CLSTN2: variants seen among roughly 807,000 people sequenced by gnomAD.
The protein encoded by CLSTN2 is calsyntenin-2.
CLSTN2 carries 48 observed loss-of-function variants against 101.2 expected under a neutral mutation model. The observed-to-expected ratio is 0.47, with a 90% CI of 0.38 to 0.60. The LOEUF (loss-of-function observed/expected upper bound fraction) is 0.60. Among genes scored for constraint, CLSTN2 ranks in the 20% least tolerant of loss-of-function variants. CLSTN2 has a pLI of 0.00. For synonymous variants in CLSTN2, 481 were observed against 463.6 expected (o/e 1.04, Z -0.48); for missense variants, 1,160 against 1,238.2 (o/e 0.94, Z 0.95).
At chr3:140,432,955 CTG>C (rs367556135) in intron 5 of CLSTN2, among the ~76,000 whole-genome samples, 2 of 152,318 alleles carry the variant, frequency 1.3e-5, no homozygotes, top group African/African-American at 4.8e-5. Context: ...ACCCTGAAAA[CTG>C]TTATTTTCCC....
intron 2 of CLSTN2, among the ~76,000 whole-genome samples, chr3:140,380,337 A>G (rs6797439): frequency 0.96 from 145,745 of 152,254 alleles, 70,074 homozygotes; most frequent in East Asian, 1. Flanking sequence ...CCTGAGCAAA[A>G]CAAATGGTGC....
At chr3:140,486,139 A>C (rs1391411641) in intron 8 of CLSTN2, among the ~76,000 whole-genome samples, 1 of 152,164 alleles carries the variant, frequency 6.6e-6, no homozygotes, top group Admixed American at 6.5e-5. Context: ...GACACATTAC[A>C]TATGGGAAAA....
In CLSTN2 at chr3:140,532,461, A is replaced by G. The variant is rs1322023880; in HGVS notation, c.1482A>G (p.Gln494=). Residue 494 remains glutamine (Q), a synonymous_variant, in exon 9 of 17, where the codon CAA becomes CAG. Transcript: ENST00000458420. ...WPIHPSHIAM[Q]LTVGACWQGG... is the part of the protein sequence containing the mutation. Reference sequence around the variant, plus strand: ...TTCATCCATCTCACATAGCCATGCAACTCACAGTCGGCGCTTGTTGGCAAG... The same window carrying G: ...TTCATCCATCTCACATAGCCATGCAGCTCACAGTCGGCGCTTGTTGGCAAG... The G allele has an allele frequency of 6.2e-7, 1 of 1,613,428 alleles. No homozygotes were observed. The highest frequency in any genetic ancestry group is 1.3e-5 in the African/African-American group (1 of 74,886).
chr3:140,350,274 A>AGAT (rs2087591757), intron 2 of CLSTN2, among the ~76,000 whole-genome samples: 1 of 152,252 alleles, frequency 6.6e-6, no homozygotes, highest in African/African-American at 2.4e-5. Flanking sequence ...TAATCTCAGA[A>AGAT]AATAATAATA....
At chr3:140,104,425 C>T (rs1201073384) in intron 1 of CLSTN2, among the ~76,000 whole-genome samples, 2 of 152,196 alleles carry the variant, frequency 1.3e-5, no homozygotes, top group Non-Finnish European at 2.9e-5. Context: ...TTGGTGCCAA[C>T]TAAGCAATGC....
intron 1 of CLSTN2, among the ~76,000 whole-genome samples, chr3:140,154,798 C>G (rs1026386276): frequency 1.3e-5 from 2 of 151,970 alleles, no homozygotes; most frequent in Non-Finnish European, 2.9e-5. Context: ...GCACCCGCCA[C>G]CACGCCCAGC....
intron 2 of CLSTN2, among the ~76,000 whole-genome samples, chr3:140,217,856 T>C (rs2010939311): frequency 6.6e-6 from 1 of 152,226 alleles, no homozygotes; most frequent in Non-Finnish European, 1.5e-5. Flanking sequence ...GTTTAAATTT[T>C]AAAGGTTCTC....
At chr3:140,192,365 C>T (rs9830790) in intron 2 of CLSTN2, among the ~76,000 whole-genome samples, 13,440 of 151,836 alleles carry the variant, frequency 0.089, 802 homozygotes, top group Non-Finnish European at 0.13. Flanking sequence ...AGCTGATTTT[C>T]GGACTAGTTC....
intron 2 of CLSTN2, among the ~76,000 whole-genome samples, chr3:140,370,361 G>A (rs978441674): frequency 3.3e-5 from 5 of 152,122 alleles, no homozygotes; most frequent in Non-Finnish European, 7.4e-5. Context: ...GGAAAGCTTG[G>A]GGTCTCTGCC....
At chr3:139,985,104 C>T (rs1164780665) in intron 1 of CLSTN2, among the ~76,000 whole-genome samples, 1 of 152,196 alleles carries the variant, frequency 6.6e-6, no homozygotes, top group Non-Finnish European at 1.5e-5. Context: ...TCACCTGTTA[C>T]ATGGTCTCCT....
intron 5 of CLSTN2, among the ~76,000 whole-genome samples, chr3:140,436,095 T>C (rs1268818880): frequency 6.6e-6 from 1 of 152,222 alleles, no homozygotes; most frequent in African/African-American, 2.4e-5. Flanking sequence ...CATTTGTCCA[T>C]GTTCACCTTG....
chr3:140,086,585 C>G (rs1404690904), intron 1 of CLSTN2, among the ~76,000 whole-genome samples: 2 of 152,174 alleles, frequency 1.3e-5, no homozygotes, highest in Admixed American at 1.3e-4. Context: ...TTCAATCCAA[C>G]AGGAGTTAAA....
chr3:140,165,966 G>A (rs1184419067), intron 1 of CLSTN2, among the ~76,000 whole-genome samples: 1 of 152,068 alleles, frequency 6.6e-6, no homozygotes, highest in Non-Finnish European at 1.5e-5. Context: ...GCAGGGGATG[G>A]GCTGGAAAAC....
At chr3:140,078,176 G>A (rs1257742761) in intron 1 of CLSTN2, among the ~76,000 whole-genome samples, 1 of 152,124 alleles carries the variant, frequency 6.6e-6, no homozygotes, top group Non-Finnish European at 1.5e-5. Context: ...ATCAATGTCA[G>A]GAGATGCTTG....
chr3:139,965,794 A>G (rs7617850), intron 1 of CLSTN2, among the ~76,000 whole-genome samples: 20,555 of 152,114 alleles, frequency 0.14, 1,507 homozygotes, highest in African/African-American at 0.17. Flanking sequence ...AGCCTCTAGC[A>G]TCCTCCTGAA....
At chr3:140,271,836 T>A (rs2086744864) in intron 2 of CLSTN2, among the ~76,000 whole-genome samples, 1 of 152,246 alleles carries the variant, frequency 6.6e-6, no homozygotes. Flanking sequence ...AGTCACACGC[T>A]ACATGTGCTT....
intron 1 of CLSTN2, among the ~76,000 whole-genome samples, chr3:140,151,233 G>T (rs2009859937): frequency 6.6e-6 from 1 of 152,148 alleles, no homozygotes. Context: ...CAAGAGATAA[G>T]TGAGTGGTTG....
chr3:140,538,744 G>T (rs1221484620), intron 9 of CLSTN2, among the ~76,000 whole-genome samples: 1 of 152,186 alleles, frequency 6.6e-6, no homozygotes, highest in Non-Finnish European at 1.5e-5. Context: ...GAAGAAAGAG[G>T]CACATGCTAG....
chr3:140,453,302 A>G (rs1230122833), intron 6 of CLSTN2: 6 of 147,448 alleles, frequency 4.1e-5, no homozygotes, highest in Non-Finnish European at 9.2e-5. Flanking sequence ...AAGACCACAG[A>G]GTAAGAGCAT....
Sources: allele counts gnomAD v4.1 joint callset (sites outside exome capture counted in the v4.1 genomes callset), GRCh38; gene constraint gnomAD v4.1.1; transcripts MANE v1.5; gene names NCBI Gene and HGNC (gene_info 2026-07-23, HGNC 2026-07-21).